MYO16: variants seen among roughly 807,000 people sequenced by gnomAD.
MYO16 encodes the protein unconventional myosin-XVI.
MYO16 carries 94 observed loss-of-function variants against 205.3 expected under a neutral mutation model. The observed-to-expected ratio is 0.46, with a 90% CI of 0.39 to 0.54. The LOEUF is 0.54. MYO16 is among the 20% of genes least tolerant of loss of function. The probability of loss-of-function intolerance (pLI) is 0.00; values close to 1 mark genes in which losing one functional copy is unlikely to be tolerated. For synonymous variants in MYO16, 988 were observed against 954.0 expected, an observed-to-expected ratio of 1.04 and a Z score of -0.66; for missense variants, 2,315 against 2,387.5, an observed-to-expected ratio of 0.97 and a Z score of 0.63.
chr13:108,612,976 C>T (rs999058192), intron 1 of MYO16, among the ~76,000 whole-genome samples: 2 of 152,098 alleles, frequency 1.3e-5, no homozygotes, highest in Non-Finnish European at 2.9e-5. Context: ...AGAAATAGCA[C>T]TTCATGTTTG....
Position 108,942,776 on chromosome 13 carries a change from C to T in MYO16, c.1926-14912C>T, listed in dbSNP as rs1250263420. Reference sequence around the variant, plus strand: ...GTATTTTTGTTTCCTTGACTGAGGACTTACTATCTTAAATCAGCAGTTTAT... The same window carrying T: ...GTATTTTTGTTTCCTTGACTGAGGATTTACTATCTTAAATCAGCAGTTTAT... On this transcript the variant is annotated intron_variant, in intron 16 of 34. Coordinates refer to ENST00000457511, the MANE Select transcript of MYO16 (RefSeq NM_001198950.3). Among the ~76,000 whole-genome samples the T allele has an allele frequency of 4.6e-5, 7 of 152,232 alleles. No homozygotes were observed. In the South Asian group the frequency reaches 8.3e-4, roughly 18 times the overall value.
chr13:108,943,357 G>A (rs971354945), intron 16 of MYO16, among the ~76,000 whole-genome samples: 2 of 152,178 alleles, frequency 1.3e-5, no homozygotes, highest in African/African-American at 4.8e-5. Context: ...CCTACGACGA[G>A]TTCCTGATCT....
chr13:108,860,288 G>A (rs137895784), intron 11 of MYO16, among the ~76,000 whole-genome samples: 25 of 149,620 alleles, frequency 1.7e-4, no homozygotes, highest in Non-Finnish European at 3.5e-4. Flanking sequence ...GTGTTAGTTT[G>A]CTAAGGATAA....
chr13:109,020,037 A>G (rs1057483431), intron 23 of MYO16, 126 bp downstream of exon 23: 2 of 871,574 alleles, frequency 2.3e-6, no homozygotes, highest in East Asian at 2.7e-5. Flanking sequence ...TGAACAACCC[A>G]CAACATGTAC....
Position 108,666,063 on chromosome 13 carries a change from G to A in MYO16, c.206G>A (p.Arg69Lys). 6.2e-7 allele frequency: 1 copy of A among 1,614,120 alleles called. No homozygotes were observed. Among genetic ancestry groups the A allele is most frequent in the Non-Finnish European group, 8.5e-7 (1 of 1,179,992 alleles). ...CAGAAGCAGGAAGGGTTCCTGAAAA[G>A]GCTGAAGCATGCGAAGAATCCGAAA... ...AFQKQEGFLKRLKHAKNPKVH... is the reference protein window; with the variant it reads ...AFQKQEGFLKKLKHAKNPKVH... Residue 69 changes from arginine (R) to lysine (K), a missense_variant, in exon 2 of 35, where the codon AGG becomes AAG. This residue lies in a region of MYO16 where 1,213 missense variants were observed against 1,274.4 expected (regional missense o/e 0.95). Coordinates refer to ENST00000457511, the MANE Select transcript of MYO16 (RefSeq NM_001198950.3).
chr13:108,798,011 T>TC (rs1378542483), intron 6 of MYO16, among the ~76,000 whole-genome samples: 1 of 152,166 alleles, frequency 6.6e-6, no homozygotes, highest in Admixed American at 6.5e-5. Context: ...AATAACCAAA[T>TC]CTTGTGGTCA....
the MYO16 span, among the ~76,000 whole-genome samples, chr13:108,537,004 T>C: frequency 9.9e-5 from 15 of 152,246 alleles, no homozygotes; most frequent in African/African-American, 2.9e-4. Context: ...GGAGTGCACA[T>C]GTGCAGTTTT....
intron 6 of MYO16, among the ~76,000 whole-genome samples, chr13:108,798,668 C>G (rs1325342484): frequency 6.8e-6 from 1 of 147,080 alleles, no homozygotes; most frequent in Non-Finnish European, 1.5e-5. Context: ...TTTGATATAT[C>G]ACATCTGGCC....
chr13:108,957,401 A>AAC (rs398024381), intron 16 of MYO16, among the ~76,000 whole-genome samples: 6 of 151,248 alleles, frequency 4.0e-5, no homozygotes, highest in East Asian at 1.9e-4. Context: ...AAAAAAAAAA[A>AAC]CAAAAACATG....
chr13:108,555,964 A>G, the MYO16 span, among the ~76,000 whole-genome samples: 2 of 152,178 alleles, frequency 1.3e-5, no homozygotes, highest in Admixed American at 6.5e-5. Context: ...CATCGTGTAG[A>G]TATATCATAT....
intron 9 of MYO16, among the ~76,000 whole-genome samples, chr13:108,841,652 T>C (rs1412678779): frequency 1.3e-5 from 2 of 152,044 alleles, no homozygotes; most frequent in Non-Finnish European, 2.9e-5. Context: ...ATACAGAATA[T>C]ATAAAGTCAA....
At chr13:108,734,195 C>CTTT (rs57106194) in intron 4 of MYO16, among the ~76,000 whole-genome samples, 308 of 145,036 alleles carry the variant, frequency 2.1e-3, no homozygotes, top group African/African-American at 7.2e-3. Flanking sequence ...TATAATATTG[C>CTTT]TTTTTTTTTT....
chr13:108,898,388 G>A (rs888413325), intron 15 of MYO16, among the ~76,000 whole-genome samples: 22 of 143,076 alleles, frequency 1.5e-4, no homozygotes, highest in African/African-American at 5.7e-4. Context: ...GTGTGTGTGT[G>A]TATACATACC....
intron 3 of MYO16, among the ~76,000 whole-genome samples, chr13:108,716,755 G>A (rs1883960146): frequency 6.6e-6 from 1 of 152,022 alleles, no homozygotes; most frequent in Admixed American, 6.5e-5. Flanking sequence ...TGCGAGTGTG[G>A]GCATCAAGAA....
At chr13:108,968,971 A>G (rs1481595298) in intron 20 of MYO16, among the ~76,000 whole-genome samples, 1 of 152,234 alleles carries the variant, frequency 6.6e-6, no homozygotes, top group African/African-American at 2.4e-5. Flanking sequence ...TTCCTGTAAG[A>G]AAACCTCAAG....
chr13:108,517,031 A>G, the MYO16 span, among the ~76,000 whole-genome samples: 3 of 152,138 alleles, frequency 2.0e-5, no homozygotes, highest in African/African-American at 7.2e-5. Context: ...CGTGGGTTCA[A>G]GCGGTCCTCC....
intron 2 of MYO16, among the ~76,000 whole-genome samples, chr13:108,687,558 G>C (rs909616551): frequency 6.6e-6 from 1 of 152,088 alleles, no homozygotes; most frequent in Non-Finnish European, 1.5e-5. Context: ...ACTCATTTCT[G>C]GGCTATATAC....
chr13:108,660,890 C>T (rs1329709931), intron 1 of MYO16, among the ~76,000 whole-genome samples: 2 of 151,988 alleles, frequency 1.3e-5, no homozygotes, highest in Admixed American at 6.6e-5. Flanking sequence ...TTTATGGATC[C>T]TGTGTGCTTT....
chr13:108,685,978 G>A (rs185560228), intron 2 of MYO16, among the ~76,000 whole-genome samples: 6 of 152,268 alleles, frequency 3.9e-5, no homozygotes, highest in South Asian at 4.1e-4. Flanking sequence ...TTGAATAAAC[G>A]GTCACTTTCT....
Sources: gnomAD v4.1 joint callset for allele counts (sites outside exome capture counted in the v4.1 genomes callset) on GRCh38, gnomAD v4.1.1 for gene constraint, gnomAD v4.1.1 regional missense constraint, MANE v1.5 for transcripts, NCBI Gene and HGNC (gene_info 2026-07-23, HGNC 2026-07-21) for gene names.